Variants in TXNRD2 observed in about 807,000 individuals in gnomAD.
TXNRD2 encodes thioredoxin reductase 2, also known as thioredoxin reductase 2, mitochondrial.
A neutral mutation model predicts 70.8 loss-of-function variants in TXNRD2; 67 were observed. The observed-to-expected ratio is 0.95, with a 90% CI of 0.78 to 1.16. TXNRD2 has a LOEUF of 1.16. TXNRD2 is among the 50% of genes most tolerant of loss of function. The pLI, the probability that TXNRD2 is intolerant of heterozygous loss-of-function variation, is 0.00. For missense variants in TXNRD2, 644 were observed against 719.9 expected, an observed-to-expected ratio of 0.89 and a Z score of 1.21; for synonymous variants, 301 against 295.8, an observed-to-expected ratio of 1.02 and a Z score of -0.18.
In TXNRD2 at chr22:19,915,832, T is replaced by C; in HGVS notation, c.461A>G (p.Tyr154Cys). The C allele has an allele frequency of 1.2e-6, 2 of 1,614,110 alleles. No homozygotes were observed. The highest frequency in any genetic ancestry group is 1.7e-6 in the Non-Finnish European group (2 of 1,180,000). ...AACAAAGCTGGCTTTGATGTTAAAG[T>C]ACTTGACTTTTCTGAAAGATAAAGA... ...RVQLQDRKVK[Y>C]FNIKASFVDE... The change falls in exon 6 of 18, where the codon TAC (tyrosine) becomes TGC (cysteine). Residue 154 changes from tyrosine (Y) to cysteine (C), a missense_variant. Physicochemically the swap from Tyr to Cys is radical, Grantham distance 194. Coordinates refer to ENST00000400521, the MANE Select transcript of TXNRD2 (RefSeq NM_006440.5).
chr22:19,892,264 C>G (rs759807030), intron 11 of TXNRD2, among the ~76,000 whole-genome samples: 2 of 152,262 alleles, frequency 1.3e-5, no homozygotes, highest in Non-Finnish European at 2.9e-5. Flanking sequence ...CAGCAGAAAA[C>G]GCTCGCAGTT....
At chr22:19,940,022 T>A (rs1941647959) in intron 1 of TXNRD2, among the ~76,000 whole-genome samples, 1 of 151,908 alleles carries the variant, frequency 6.6e-6, no homozygotes, top group Admixed American at 6.6e-5. Flanking sequence ...GGCAGGTGGA[T>A]CATGAGGTCA....
At chr22:19,912,067 C>T (rs1209263988) in intron 7 of TXNRD2, among the ~76,000 whole-genome samples, 2 of 152,126 alleles carry the variant, frequency 1.3e-5, no homozygotes, top group Admixed American at 6.5e-5. Context: ...GAAGCCAGGA[C>T]GGACTTCACA....
chr22:19,935,468 G>A (rs1280837159), intron 1 of TXNRD2, among the ~76,000 whole-genome samples: 2 of 152,184 alleles, frequency 1.3e-5, no homozygotes, highest in Non-Finnish European at 2.9e-5. Flanking sequence ...CAGGAGTTCT[G>A]ATTTTGCCCT....
rs1334681677 is a variant in TXNRD2, at chr22:19,915,223, G to C, written c.582C>G (p.Tyr194Ter). The change falls in exon 7 of 18, where the codon TAC (tyrosine) becomes TAG (stop). Residue 194 changes from tyrosine to a stop codon, truncating the protein, a stop_gained. Transcript: ENST00000400521. LOFTEE classifies it high-confidence loss of function. ...CTCTGGGGACACTCACGTGCGTGGG[G>C]TATCTCGGCCGCCCTCCAGTAGCAA... ...IIIATGGRPR[Y>*]PTHIEGALEY... is the part of the protein sequence containing the mutation. 6.2e-7 allele frequency: 1 copy of C among 1,613,908 alleles called. No homozygotes were observed. Among genetic ancestry groups the C allele is most frequent in the Admixed American group, 1.7e-5 (1 of 59,968 alleles).
At chr22:19,918,512 G>A (rs188327143) in intron 4 of TXNRD2, among the ~76,000 whole-genome samples, 2 of 152,272 alleles carry the variant, frequency 1.3e-5, no homozygotes, top group Admixed American at 6.5e-5. Context: ...GAGCCAATGT[G>A]GGTGTGGCTG....
intron 11 of TXNRD2, chr22:19,883,905 T>C (rs1022009232): frequency 1.7e-5 from 3 of 173,506 alleles, no homozygotes; most frequent in Non-Finnish European, 3.7e-5. Flanking sequence ...GATTGCACCA[T>C]TGCGCTCCAG....
At chr22:19,937,557 A>G (rs1193414738) in intron 1 of TXNRD2, among the ~76,000 whole-genome samples, 1 of 152,178 alleles carries the variant, frequency 6.6e-6, no homozygotes, top group Non-Finnish European at 1.5e-5. Context: ...GCCTGCATAT[A>G]TTAAAGCTTG....
intron 8 of TXNRD2, 35 bp downstream of exon 8, chr22:19,911,342 A>G: frequency 6.3e-7 from 1 of 1,574,954 alleles, no homozygotes; most frequent in Non-Finnish European, 8.7e-7. Flanking sequence ...CTGGTGAACA[A>G]AAAGAGGACC....
intron 8 of TXNRD2, among the ~76,000 whole-genome samples, chr22:19,908,845 T>C (rs1940188150): frequency 6.6e-6 from 1 of 152,154 alleles, no homozygotes; most frequent in Admixed American, 6.5e-5. Flanking sequence ...GTTCCAGACA[T>C]GGATAGTGGT....
Position 19,902,646 on chromosome 22 carries a change from C to T in TXNRD2, c.663-3578G>A, listed in dbSNP as rs545685418. ...CAACCCCTCAGGGGCAGATGCTGGG[C>T]CGGAGCCTCTGTGTGCTGGCCCTGT... On this transcript the variant is annotated intron_variant, in intron 8 of 17. Coordinates refer to ENST00000400521, the MANE Select transcript of TXNRD2 (RefSeq NM_006440.5). 3.9e-5 allele frequency among the ~76,000 whole-genome samples: 6 copies of T among 152,304 alleles called. No individual in the cohort carries two copies. In the East Asian group the frequency reaches 1.2e-3, roughly 29 times the overall value.
At chr22:19,883,265 C>A (rs1024977850) in intron 12 of TXNRD2, 60 bp downstream of exon 12, 2 of 1,592,376 alleles carry the variant, frequency 1.3e-6, no homozygotes, top group East Asian at 2.2e-5. Flanking sequence ...CGGAGCCCAG[C>A]GAGCAGGGGT....
intron 2 of TXNRD2, among the ~76,000 whole-genome samples, chr22:19,923,675 G>A (rs1011535523): frequency 2.0e-5 from 3 of 152,036 alleles, no homozygotes; most frequent in Admixed American, 6.6e-5. Flanking sequence ...GGTGGTGGGC[G>A]CCTGTAATCC....
At chr22:19,881,871 G>A (rs917675709) in intron 12 of TXNRD2, among the ~76,000 whole-genome samples, 1 of 152,252 alleles carries the variant, frequency 6.6e-6, no homozygotes, top group Non-Finnish European at 1.5e-5. Context: ...GAGGCACATG[G>A]AGCCACATGC....
chr22:19,877,252 G>A lies in TXNRD2; in HGVS notation c.1446-18C>T, dbSNP rs772490717. The A allele has an allele frequency of 9.3e-6, 15 of 1,605,144 alleles. No individual in the cohort carries two copies. Among genetic ancestry groups the A allele is most frequent in the East Asian group, 2.2e-5 (1 of 44,586 alleles). ...CCCCACACCTGCACATGGGGGATGG[G>A]GGAGGCAGGCGGGGTCAGCACAGGG... On this transcript the variant is annotated intron_variant, in intron 16 of 17. Coordinates refer to ENST00000400521, the MANE Select transcript of TXNRD2 (RefSeq NM_006440.5).
At chr22:19,932,819 C>A (rs1022364360) in intron 1 of TXNRD2, among the ~76,000 whole-genome samples, 3 of 152,200 alleles carry the variant, frequency 2.0e-5, no homozygotes, top group Non-Finnish European at 4.4e-5. Context: ...CAAGGCTGGG[C>A]AACCTGCCCA....
chr22:19,941,651 A>G, intron 1 of TXNRD2, 50 bp downstream of exon 1: 1 of 1,414,656 alleles, frequency 7.1e-7, no homozygotes, highest in Non-Finnish European at 9.1e-7. Context: ...TCACGAGGAC[A>G]CCCCGGCCGC....
chr22:19,897,985 G>A (rs1939587301), intron 10 of TXNRD2, 54 bp downstream of exon 10: 9 of 1,460,284 alleles, frequency 6.2e-6, no homozygotes, highest in Non-Finnish European at 8.4e-6. Context: ...GGAGGGGGCT[G>A]TGGGAGGAAG....
At chr22:19,908,557 G>A (rs961208963) in intron 8 of TXNRD2, among the ~76,000 whole-genome samples, 2 of 152,232 alleles carry the variant, frequency 1.3e-5, no homozygotes, top group Non-Finnish European at 2.9e-5. Context: ...GAGAATGTAA[G>A]ATGGTGTGGG....
Sources: gnomAD v4.1 joint callset for allele counts (sites outside exome capture counted in the v4.1 genomes callset) on GRCh38, gnomAD v4.1.1 for gene constraint, MANE v1.5 for transcripts, NCBI Gene and HGNC (gene_info 2026-07-23, HGNC 2026-07-21) for gene names.